The following ZFYVE27 variants were observed in gnomAD, a reference collection of about 807,000 sequenced individuals.
ZFYVE27 encodes zinc finger FYVE-type containing 27.
A neutral mutation model predicts 52.8 loss-of-function variants in ZFYVE27; 36 were observed. The observed-to-expected ratio is 0.68, with a 90% CI of 0.52 to 0.90. The LOEUF (loss-of-function observed/expected upper bound fraction) is 0.90, where lower values mean the gene tolerates loss of function less well. Ranked by LOEUF, ZFYVE27 falls within the 40% of genes least tolerant of loss-of-function variation. The pLI is 0.00. For missense variants in ZFYVE27, 450 were observed against 527.2 expected (o/e 0.85, Z 1.43); for synonymous variants, 223 against 215.6 (o/e 1.03, Z -0.30).
Position 97,748,160 on chromosome 10 carries a change from G to A in ZFYVE27, c.456-109G>A. On this transcript the variant is annotated intron_variant, in intron 4 of 12. Coordinates refer to ENST00000684270, the MANE Select transcript of ZFYVE27 (RefSeq NM_001385875.1). ...TCCTCTCTCTTTAAGCACATGGTGA[G>A]TGTGTTTAAAGAGATTGACCATCCC... 4 of 991,544 alleles carry A rather than the reference G, an allele frequency of 4.0e-6. No individual in the cohort carries two copies. In the South Asian group the frequency reaches 5.4e-5, roughly 13 times the overall value. 61.4% of individuals were successfully genotyped at this position (991,544 alleles called of 1,614,324 possible).
At chr10:97,752,730 A>G in intron 8 of ZFYVE27, 127 bp from the exon 9 acceptor site, 2 of 1,074,636 alleles carry the variant, frequency 1.9e-6, no homozygotes, top group Non-Finnish European at 2.8e-6. Context: ...CCATTTGGGA[A>G]GTGCGCAGAG....
In ZFYVE27 at chr10:97,759,784, T is replaced by A. The variant is rs2049233714; in HGVS notation, c.*484T>A. On this transcript the variant is annotated 3_prime_UTR_variant, in exon 13 of 13. Transcript: ENST00000684270. ...GGGCTTGGGAGTGCCACACCCCATC[T>A]CTGCTGATTGAATGTCCCTCCAGGC... 1 of 197,302 alleles carries A rather than the reference T, an allele frequency of 5.1e-6. No homozygotes were observed. The highest frequency in any genetic ancestry group is 2.3e-5 in the African/African-American group (1 of 44,114). The allele number at this position is 197,302 out of a possible 1,614,324, so 12.2% of individuals were successfully genotyped here. A position where few individuals can be genotyped will look rare whatever the true frequency, so the allele number is the denominator to read the frequency against.
At chr10:97,753,209 G>C in intron 10 of ZFYVE27, 27 bp downstream of exon 10, 1 of 1,602,672 alleles carries the variant, frequency 6.2e-7, no homozygotes, top group South Asian at 1.1e-5. Flanking sequence ...GGGCTGGGCT[G>C]GTGGGGGAGT....
chr10:97,746,337 C>T (rs1394955745), intron 4 of ZFYVE27, among the ~76,000 whole-genome samples: 2 of 152,010 alleles, frequency 1.3e-5, no homozygotes, highest in East Asian at 1.9e-4. Context: ...CATGAGCCAC[C>T]GCACCCAGCC....
intron 2 of ZFYVE27, among the ~76,000 whole-genome samples, chr10:97,739,365 A>G (rs1384631242): frequency 2.0e-5 from 3 of 152,150 alleles, no homozygotes; most frequent in Non-Finnish European, 2.9e-5. Flanking sequence ...CACTGTGCCC[A>G]GCCCATTTTT....
chr10:97,750,785 G>A (rs1467083319), intron 7 of ZFYVE27, among the ~76,000 whole-genome samples: 1 of 150,618 alleles, frequency 6.6e-6, no homozygotes, highest in Non-Finnish European at 1.5e-5. Flanking sequence ...CTGTCACCCA[G>A]GCTAGAGGGC....
Position 97,757,717 on chromosome 10 carries a change from G to T in ZFYVE27, c.1165G>T (p.Ala389Ser). 1 of 1,614,214 alleles carries T rather than the reference G, an allele frequency of 6.2e-7. No individual in the cohort carries two copies. Among genetic ancestry groups the T allele is most frequent in the Non-Finnish European group, 8.5e-7 (1 of 1,180,022 alleles). The change falls in exon 12 of 13, where the codon GCC becomes TCC. Residue 389 changes from alanine to serine, a missense_variant. Physicochemically the swap from Ala to Ser is moderately conservative, Grantham distance 99. Transcript: ENST00000684270. ...SFKVPKSSMG[A>S]TAPEAQRETV... The stretch of plus-strand genomic sequence containing the variant: ...CAAGGTGCCCAAGTCCTCCATGGGG[G>T]CCACAGGTGAGTGGTGCAGGTGGTG...
chr10:97,750,421 G>C lies in ZFYVE27; in HGVS notation c.755G>C (p.Gly252Ala), dbSNP rs757489430. The change falls in exon 7 of 13, where the codon GGG (glycine) becomes GCG (alanine). Residue 252 changes from glycine to alanine, a missense_variant. Transcript: ENST00000684270. ...GAGAGTCCTCCACCACCAGATGTTG[G>C]GGGGAAGGATGGTCTGATGGACAGC... Reference protein sequence around the residue: ...AFESPPPPDVGGKDGLMDSTP... With the variant: ...AFESPPPPDVAGKDGLMDSTP... The C allele has an allele frequency of 5.6e-6, 9 of 1,614,010 alleles. No homozygotes were observed. Among genetic ancestry groups the C allele is most frequent in the Admixed American group, 3.3e-5 (2 of 60,000 alleles).
intron 10 of ZFYVE27, among the ~76,000 whole-genome samples, chr10:97,754,045 C>T (rs2047696771): frequency 1.3e-5 from 2 of 152,170 alleles, no homozygotes; most frequent in South Asian, 4.1e-4. Context: ...CTGGGAGCTG[C>T]TGTGCTCCTG....
chr10:97,751,453 T>TG lies in ZFYVE27; in HGVS notation c.868dup (p.Ala290GlyfsTer3). On this transcript the variant is annotated frameshift_variant, in exon 8 of 13. Coordinates refer to ENST00000684270, the MANE Select transcript of ZFYVE27 (RefSeq NM_001385875.1). LOFTEE classifies it high-confidence loss of function. Reference sequence around the variant, plus strand: ...CTGAGCCAGATGAAGAGTTTAAAGATGCGATTGAGGTGGGTGGCCCTTCCC... The same window carrying TG: ...CTGAGCCAGATGAAGAGTTTAAAGATGGCGATTGAGGTGGGTGGCCCTTCCC... 6.2e-7 allele frequency: 1 copy of TG among 1,613,794 alleles called. No individual in the cohort carries two copies. Among genetic ancestry groups the TG allele is most frequent in the Non-Finnish European group, 8.5e-7 (1 of 1,179,770 alleles).
intron 12 of ZFYVE27, 128 bp downstream of exon 12, chr10:97,757,851 T>C: frequency 1.2e-6 from 1 of 840,084 alleles, no homozygotes; most frequent in Non-Finnish European, 1.9e-6. Flanking sequence ...CGGGAACGTT[T>C]CCTCCATCCC....
chr10:97,757,406 G>A (rs1463937313), intron 11 of ZFYVE27, 95 bp downstream of exon 11: 35 of 1,564,540 alleles, frequency 2.2e-5, no homozygotes, highest in Non-Finnish European at 2.8e-5. Context: ...AGTCTGGCTC[G>A]GGTCACATTG....
In ZFYVE27 at chr10:97,748,430, A is replaced by T. The variant is rs191745056; in HGVS notation, c.551+66A>T. The T allele has an allele frequency of 1.3e-4, 200 of 1,532,634 alleles. 2 individuals carry two copies. In the South Asian group the frequency reaches 1.4e-3, roughly 11 times the overall value. The allele number at this position is 1,532,634 out of a possible 1,614,324, so 94.9% of individuals were successfully genotyped here. A position where few individuals can be genotyped will look rare whatever the true frequency, so the allele number is the denominator to read the frequency against. The stretch of plus-strand genomic sequence containing the variant: ...TTGCAGCTTGAGCCCGAGCAAAGCC[A>T]GCTGCCTTGAGAGGACCTCTGCCCC... On this transcript the variant is annotated intron_variant, in intron 5 of 12. Coordinates refer to ENST00000684270, the MANE Select transcript of ZFYVE27 (RefSeq NM_001385875.1).
rs532060162 is a variant in ZFYVE27 at position 97,750,278 on chromosome 10, C to G, written c.665-53C>G. The G allele has an allele frequency of 2.5e-6, 4 of 1,608,950 alleles. No homozygotes were observed. In the African/African-American group the frequency reaches 4.0e-5, roughly 16 times the overall value. On this transcript the variant is annotated intron_variant, in intron 6 of 12. Coordinates refer to ENST00000684270, the MANE Select transcript of ZFYVE27 (RefSeq NM_001385875.1). ...GCAGAAGTGGGTACCCCTAAAGTGC[C>G]ACTCACGGTGTCTCATTTTTGCCTC...
At chr10:97,746,757 A>T (rs2045549867) in intron 4 of ZFYVE27, among the ~76,000 whole-genome samples, 1 of 150,432 alleles carries the variant, frequency 6.6e-6, no homozygotes, top group South Asian at 2.1e-4. Flanking sequence ...TGGCATGATC[A>T]TGGCTCACTG....
rs185422249 is a variant in ZFYVE27, at chr10:97,748,875, A to G, written c.551+511A>G. On this transcript the variant is annotated intron_variant, in intron 5 of 12. Coordinates refer to ENST00000684270, the MANE Select transcript of ZFYVE27 (RefSeq NM_001385875.1). ...TACTAACCCCATGGTAAACATTTTT[A>G]TGGATTTAGCTTTAATGTTTTAGAA... is the stretch of plus-strand genomic sequence containing the variant. Among the ~76,000 whole-genome samples, 4 of 152,324 alleles carry G rather than the reference A, an allele frequency of 2.6e-5. No individual in the cohort carries two copies. In the East Asian group the frequency reaches 7.7e-4, roughly 29 times the overall value.
chr10:97,756,599 C>T (rs974946504), intron 10 of ZFYVE27, among the ~76,000 whole-genome samples: 2 of 152,190 alleles, frequency 1.3e-5, no homozygotes, highest in Non-Finnish European at 2.9e-5. Context: ...TCTAAGCTGC[C>T]GTTGCCCCTC....
intron 10 of ZFYVE27, among the ~76,000 whole-genome samples, chr10:97,753,670 C>G (rs2047586546): frequency 6.6e-6 from 1 of 152,186 alleles, no homozygotes; most frequent in East Asian, 1.9e-4. Context: ...GGTCTCATGT[C>G]AAATGAGACA....
intron 10 of ZFYVE27, among the ~76,000 whole-genome samples, chr10:97,756,171 G>T (rs147102108): frequency 6.6e-6 from 1 of 152,146 alleles, no homozygotes; most frequent in East Asian, 1.9e-4. Context: ...GCTGGGGCAG[G>T]CTGCCTTCCC....
Sources: allele counts gnomAD v4.1 joint callset (sites outside exome capture counted in the v4.1 genomes callset), GRCh38; gene constraint gnomAD v4.1.1; transcripts MANE v1.5; gene names NCBI Gene and HGNC (gene_info 2026-07-23, HGNC 2026-07-21).